The following TRIM6 variants were observed in gnomAD, a reference collection of about 807,000 sequenced individuals.
The protein encoded by TRIM6 is tripartite motif-containing protein 6.
A neutral mutation model predicts 51.2 loss-of-function variants in TRIM6; 43 were observed. That is an observed-to-expected ratio of 0.84 (90% CI 0.66 to 1.08). TRIM6 has a LOEUF of 1.08. Ranked by LOEUF, TRIM6 falls within the 50% of genes least tolerant of loss-of-function variation. The probability of loss-of-function intolerance (pLI) is 0.00; values close to 1 mark genes in which losing one functional copy is unlikely to be tolerated. For synonymous variants in TRIM6, 215 were observed against 232.4 expected (o/e 0.93, Z 0.68); for missense variants, 669 against 619.0 (o/e 1.08, Z -0.86).
chr11:5,610,327 A>C lies in TRIM6; in HGVS notation c.958+82A>C, dbSNP rs796171887. 3.9e-5 allele frequency: 63 copies of C among 1,598,462 alleles called. No homozygotes were observed. In the African/African-American group the frequency reaches 6.1e-4, roughly 16 times the overall value. On this transcript the variant is annotated intron_variant, in intron 6 of 7. Coordinates refer to ENST00000380097, the MANE Select transcript of TRIM6 (RefSeq NM_001003818.3). ...AAACGGGATAGAGGCTATAGTCGGT[A>C]TTTGAGCATAGTGGCAAAGAGGGAG...
At chr11:5,604,886 G>C (rs1848114138) in intron 3 of TRIM6, 1 of 461,758 alleles carries the variant, frequency 2.2e-6, no homozygotes. Context: ...TCATAATTCT[G>C]GGTCTTGCTC....
At chr11:5,604,677 G>A (rs1245974855) in intron 3 of TRIM6, 48 bp downstream of exon 3, 18 of 1,584,762 alleles carry the variant, frequency 1.1e-5, no homozygotes, top group Non-Finnish European at 1.5e-5. Context: ...AATCATGGCA[G>A]GTCATAGGAG....
chr11:5,608,648 G>A (rs142574071), intron 5 of TRIM6, among the ~76,000 whole-genome samples: 110 of 151,872 alleles, frequency 7.2e-4, no homozygotes, highest in African/African-American at 2.2e-3. Flanking sequence ...GCAGTATTGC[G>A]CCACTGCACT....
At chr11:5,596,578 T>A (rs1847476740), upstream of TRIM6, 1 of 56,270 alleles carries the variant, frequency 1.8e-5, no homozygotes, top group Non-Finnish European at 4.2e-5. Context: ...ATCTCCAGCC[T>A]GGCCGCTCCA....
intron 2 of TRIM6, among the ~76,000 whole-genome samples, chr11:5,604,273 C>T (rs1047618079): frequency 1.3e-5 from 2 of 152,172 alleles, no homozygotes; most frequent in Non-Finnish European, 2.9e-5. Flanking sequence ...CTCAGCCTCC[C>T]AAAGTGCTGG....
At chr11:5,600,463 C>G (rs1489161444) in intron 1 of TRIM6, among the ~76,000 whole-genome samples, 2 of 152,122 alleles carry the variant, frequency 1.3e-5, no homozygotes, top group African/African-American at 4.8e-5. Context: ...GATGGCAGCG[C>G]CAAGAACCTG....
In TRIM6 at chr11:5,605,574, C is replaced by G; in HGVS notation, c.834+7C>G. 6.2e-7 allele frequency: 1 copy of G among 1,609,724 alleles called. No individual in the cohort carries two copies. Among genetic ancestry groups the G allele is most frequent in the South Asian group, 1.1e-5 (1 of 90,468 alleles). On this transcript the variant is annotated splice_region_variant and intron_variant, in intron 4 of 7. Coordinates refer to ENST00000380097, the MANE Select transcript of TRIM6 (RefSeq NM_001003818.3). ...AACAATGGAGCTGCTGCAGGTAAGG[C>G]TTGTGAAGGAGCCCAGATCTGAGAG...
At position 5,605,366 on chromosome 11, in the gene TRIM6, C is replaced by T. The variant is rs1564866780; in HGVS notation, c.633C>T (p.Ile211=). The T allele has an allele frequency of 1.9e-6, 3 of 1,614,112 alleles. No homozygotes were observed. The highest frequency in any genetic ancestry group is 2.2e-5 in the South Asian group (2 of 91,076). The part of the protein sequence containing the change: ...KNQMEPERCR[I]QTEFNQLRNI... ...AGATGGAGCCTGAGAGATGCAGGAT[C>T]CAGACAGAGTTTAATCAGCTGCGAA... Residue 211 remains isoleucine (I), a synonymous_variant, in exon 4 of 8, where the codon ATC becomes ATT. Coordinates refer to ENST00000380097, the MANE Select transcript of TRIM6 (RefSeq NM_001003818.3).
rs768839757 is a variant in TRIM6 at position 5,604,640 on chromosome 11, CTT to C, written c.603+15_603+16del. The stretch of plus-strand genomic sequence containing the variant: ...AAAACATCCTGGAAGGCAAGGGAGA[CTT>C]TTTCTGAAGATGTCCTGGGGCAGGA... On this transcript the variant is annotated intron_variant, in intron 3 of 7. Coordinates refer to ENST00000380097, the MANE Select transcript of TRIM6 (RefSeq NM_001003818.3). 4.4e-5 allele frequency: 70 copies of C among 1,608,366 alleles called. No individual in the cohort carries two copies. The South Asian group carries it at 6.3e-4, about 15-fold the overall frequency.
intron 1 of TRIM6, among the ~76,000 whole-genome samples, chr11:5,602,956 A>C (rs1240057986): frequency 6.6e-6 from 1 of 152,164 alleles, no homozygotes; most frequent in African/African-American, 2.4e-5. Context: ...TCCATCTCAA[A>C]AAAGAAAAAA....
At chr11:5,604,089 G>A (rs1167135357) in intron 2 of TRIM6, among the ~76,000 whole-genome samples, 2 of 152,030 alleles carry the variant, frequency 1.3e-5, no homozygotes, top group Non-Finnish European at 2.9e-5. Context: ...TCCGCCTCCC[G>A]GGTTCAAGCA....
At chr11:5,610,360 A>G (rs780912297) in intron 6 of TRIM6, 115 bp downstream of exon 6, 3 of 1,562,690 alleles carry the variant, frequency 1.9e-6, no homozygotes, top group Non-Finnish European at 2.6e-6. Flanking sequence ...GAGGTCCCAG[A>G]GGGAGGGACA....
intron 1 of TRIM6, among the ~76,000 whole-genome samples, chr11:5,598,591 T>C (rs1477082060): frequency 6.6e-6 from 1 of 152,146 alleles, no homozygotes; most frequent in East Asian, 1.9e-4. Context: ...GTGATCAACA[T>C]AAAAAAATTA....
In TRIM6 at chr11:5,605,393, T is replaced by G. The variant is rs761481959; in HGVS notation, c.660T>G (p.Asn220Lys). ...RIQTEFNQLR[N>K]ILDRVEQREL... ...AGACAGAGTTTAATCAGCTGCGAAA[T>G]ATCCTAGACAGAGTGGAGCAACGGG... Residue 220 changes from asparagine to lysine, a missense_variant, in exon 4 of 8, where the codon AAT becomes AAG. Coordinates refer to ENST00000380097, the MANE Select transcript of TRIM6 (RefSeq NM_001003818.3). The G allele has an allele frequency of 1.2e-6, 2 of 1,614,100 alleles. No homozygotes were observed. The highest frequency in any genetic ancestry group is 2.2e-5 in the South Asian group (2 of 91,082).
chr11:5,598,632 C>A (rs1847626938), intron 1 of TRIM6, among the ~76,000 whole-genome samples: 1 of 152,150 alleles, frequency 6.6e-6, no homozygotes, highest in African/African-American at 2.4e-5. Context: ...TAAACTAAAT[C>A]TTCAAAATCC....
Position 5,611,324 on chromosome 11 carries a change from G to T in TRIM6, c.1533G>T (p.Leu511=). Residue 511 remains leucine, a synonymous_variant, in exon 8 of 8, where the codon CTG becomes CTT. Transcript: ENST00000380097. ...NPCNCVIPMT[L]RRPSS is the part of the protein sequence containing the mutation. ...GCAACTGTGTAATTCCTATGACCCTGCGTCGTCCAAGCTCTTGAATATTCT... is the reference window on the plus strand; with the variant it reads ...GCAACTGTGTAATTCCTATGACCCTTCGTCGTCCAAGCTCTTGAATATTCT... The T allele has an allele frequency of 1.2e-6, 2 of 1,613,466 alleles. No homozygotes were observed. Among genetic ancestry groups the T allele is most frequent in the Non-Finnish European group, 1.7e-6 (2 of 1,179,690 alleles).
rs1347907298 is a variant in TRIM6, at chr11:5,611,356, C to T, written c.*14C>T. ...CCAAGCTCTTGAATATTCTTCTGTTCCCACCCACTTCTGATAAGTACCCTG... is the reference window on the plus strand; with the variant it reads ...CCAAGCTCTTGAATATTCTTCTGTTTCCACCCACTTCTGATAAGTACCCTG... On this transcript the variant is annotated 3_prime_UTR_variant, in exon 8 of 8. Transcript: ENST00000380097. 1 of 1,595,832 alleles carries T rather than the reference C, an allele frequency of 6.3e-7. No individual in the cohort carries two copies. Among genetic ancestry groups the T allele is most frequent in the Non-Finnish European group, 8.6e-7 (1 of 1,166,206 alleles).
At chr11:5,610,105 A>G in intron 5 of TRIM6, 40 bp from the exon 6 acceptor site, 2 of 1,610,774 alleles carry the variant, frequency 1.2e-6, no homozygotes, top group Non-Finnish European at 1.7e-6. Context: ...AGGAACCCAC[A>G]GTCAGCAGTG....
chr11:5,605,255 T>C (rs1333995853), intron 3 of TRIM6, 82 bp from the exon 4 acceptor site: 5 of 1,594,892 alleles, frequency 3.1e-6, no homozygotes, highest in East Asian at 2.2e-5. Context: ...AAAGCAGTCC[T>C]GAGCCCAACT....
Sources: allele counts gnomAD v4.1 joint callset (sites outside exome capture counted in the v4.1 genomes callset), GRCh38; gene constraint gnomAD v4.1.1; transcripts MANE v1.5; gene names NCBI Gene and HGNC (gene_info 2026-07-23, HGNC 2026-07-21).